The following DOCK8 variants were observed in gnomAD, a reference collection of about 807,000 sequenced individuals.
DOCK8 encodes dedicator of cytokinesis 8.
In DOCK8, 141 loss-of-function variants were observed where a neutral mutation model predicts 245.6. The observed-to-expected ratio is 0.57, with a 90% CI of 0.50 to 0.66. DOCK8 has a LOEUF of 0.66. DOCK8 is among the 30% of genes least tolerant of loss of function. The pLI, the probability that DOCK8 is intolerant of heterozygous loss-of-function variation, is 0.00. For synonymous variants in DOCK8, 1,168 were observed against 970.2 expected (o/e 1.20, Z -3.79); for missense variants, 2,965 against 2,603.4 (o/e 1.14, Z -3.02).
At chr9:316,069 T>A (rs2050333091) in intron 6 of DOCK8, among the ~76,000 whole-genome samples, 1 of 152,208 alleles carries the variant, frequency 6.6e-6, no homozygotes, top group Admixed American at 6.5e-5. Context: ...GGAGTAATGA[T>A]GAGCTTACCA....
At chr9:239,268 G>C (rs1378462986) in intron 1 of DOCK8, among the ~76,000 whole-genome samples, 2 of 152,190 alleles carry the variant, frequency 1.3e-5, no homozygotes. Context: ...ACTTGAAAGA[G>C]ATTTAAAGGC....
intron 4 of DOCK8, among the ~76,000 whole-genome samples, chr9:295,272 C>T (rs945011382): frequency 6.6e-6 from 1 of 151,978 alleles, no homozygotes; most frequent in African/African-American, 2.4e-5. Flanking sequence ...CCATGGTTCC[C>T]AGGGTCTGGG....
chr9:355,061 A>C (rs907465737), intron 14 of DOCK8, among the ~76,000 whole-genome samples: 17 of 152,164 alleles, frequency 1.1e-4, no homozygotes, highest in African/African-American at 3.9e-4. Flanking sequence ...TAATGAAGCT[A>C]CAAAACATTG....
chr9:366,872 C>T (rs1244859001), intron 14 of DOCK8, among the ~76,000 whole-genome samples: 1 of 152,126 alleles, frequency 6.6e-6, no homozygotes, highest in Admixed American at 6.5e-5. Flanking sequence ...AAAATTAAGG[C>T]AAACTTGTCC....
At chr9:370,385 T>C in intron 16 of DOCK8, 85 bp downstream of exon 16, 1 of 1,187,648 alleles carries the variant, frequency 8.4e-7, no homozygotes, top group South Asian at 1.2e-5. Context: ...TGGTTCCTCC[T>C]AACTATTTTT....
intron 33 of DOCK8, 109 bp downstream of exon 33, chr9:422,244 A>C (rs2056307123): frequency 4.5e-6 from 4 of 895,034 alleles, no homozygotes; most frequent in Non-Finnish European, 7.3e-6. Flanking sequence ...TTAGAAAATG[A>C]AACATCATTA....
chr9:417,126 C>G (rs956344638), intron 29 of DOCK8, among the ~76,000 whole-genome samples: 1 of 152,130 alleles, frequency 6.6e-6, no homozygotes, highest in Non-Finnish European at 1.5e-5. Flanking sequence ...GAAACCCTGT[C>G]TCCACTAAAA....
chr9:400,070 T>TCACCAGCACCTC (rs1440956502), intron 26 of DOCK8, among the ~76,000 whole-genome samples: 64 of 31,996 alleles, frequency 2.0e-3, no homozygotes, highest in African/African-American at 6.0e-3. Flanking sequence ...TCCTTCACCA[T>TCACCAGCACCTC]CACCATCACC....
intron 1 of DOCK8, among the ~76,000 whole-genome samples, chr9:244,210 T>A (rs112911191): frequency 8.7e-4 from 109 of 125,220 alleles, no homozygotes; most frequent in Middle Eastern, 4.3e-3. Flanking sequence ...AAAAAAAAAA[T>A]TTTAGCTCTC....
chr9:420,641 C>G, intron 31 of DOCK8, 58 bp downstream of exon 31: 1 of 1,602,372 alleles, frequency 6.2e-7, no homozygotes, highest in South Asian at 1.1e-5. Context: ...GCAATTCTGT[C>G]TTCTTACTCA....
intron 28 of DOCK8, among the ~76,000 whole-genome samples, chr9:412,965 A>C (rs1464670365): frequency 6.6e-6 from 1 of 152,160 alleles, no homozygotes; most frequent in Non-Finnish European, 1.5e-5. Flanking sequence ...CAACCTTGAA[A>C]AACAAGAACA....
At chr9:301,083 A>G (rs1204444711) in intron 4 of DOCK8, among the ~76,000 whole-genome samples, 1 of 152,230 alleles carries the variant, frequency 6.6e-6, no homozygotes, top group Non-Finnish European at 1.5e-5. Flanking sequence ...CATCGACACA[A>G]AAATCCTCAA....
chr9:424,368 A>C (rs1274236330), intron 33 of DOCK8, among the ~76,000 whole-genome samples: 1 of 151,100 alleles, frequency 6.6e-6, no homozygotes, highest in Non-Finnish European at 1.5e-5. Flanking sequence ...CACCAAATCC[A>C]TTGTTTTAAA....
chr9:416,244 G>GA (rs1349022479), intron 29 of DOCK8, among the ~76,000 whole-genome samples: 7 of 152,204 alleles, frequency 4.6e-5, no homozygotes, highest in Non-Finnish European at 1.0e-4. Context: ...GCGCGGAATT[G>GA]AAAATGGAGT....
intron 24 of DOCK8, among the ~76,000 whole-genome samples, chr9:392,149 A>G (rs2054225344): frequency 1.3e-5 from 2 of 152,026 alleles, no homozygotes; most frequent in African/African-American, 4.8e-5. Context: ...AAAAAAAAAA[A>G]AAAAGAGAGA....
intron 18 of DOCK8, among the ~76,000 whole-genome samples, chr9:374,274 AAT>A (rs1421067417): frequency 6.6e-6 from 1 of 152,204 alleles, no homozygotes; most frequent in Non-Finnish European, 1.5e-5. Flanking sequence ...TATTGAGGAA[AAT>A]ATGGCTAGTT....
At chr9:285,689 T>C (rs1254878629) in intron 2 of DOCK8, among the ~76,000 whole-genome samples, 1 of 152,238 alleles carries the variant, frequency 6.6e-6, no homozygotes, top group Non-Finnish European at 1.5e-5. Context: ...GAATTGTTTT[T>C]ATAATTACCA....
chr9:429,979 AAC>A (rs1447443591), intron 36 of DOCK8, 125 bp downstream of exon 36: 1 of 1,191,350 alleles, frequency 8.4e-7, no homozygotes, highest in African/African-American at 1.5e-5. Flanking sequence ...GTGAGAAAGA[AAC>A]AATTGAGTAT....
chr9:225,259 C>G (rs979465459), intron 1 of DOCK8, among the ~76,000 whole-genome samples: 6 of 151,982 alleles, frequency 3.9e-5, no homozygotes, highest in African/African-American at 9.7e-5. Flanking sequence ...GACAAAAACT[C>G]AGAGAGAGAG....
Sources: gnomAD v4.1 joint callset for allele counts (sites outside exome capture counted in the v4.1 genomes callset) on GRCh38, gnomAD v4.1.1 for gene constraint, MANE v1.5 for transcripts, NCBI Gene and HGNC (gene_info 2026-07-23, HGNC 2026-07-21) for gene names.